ESRRG: variants seen among roughly 807,000 people sequenced by gnomAD.
ESRRG encodes the protein estrogen-related receptor gamma.
ESRRG carries 13 observed loss-of-function variants against 44.0 expected under a neutral mutation model. That is an observed-to-expected ratio of 0.30 (90% CI 0.19 to 0.47). ESRRG has a LOEUF of 0.47. ESRRG is among the 20% of genes least tolerant of loss of function. The probability of loss-of-function intolerance (pLI) is 1.00; values close to 1 mark genes in which losing one functional copy is unlikely to be tolerated. For synonymous variants in ESRRG, 215 were observed against 214.6 expected (o/e 1.00, Z -0.02); for missense variants, 395 against 580.6 (o/e 0.68, Z 3.29).
chr1:216,884,418 A>C (rs2096489750), intron 2 of ESRRG, among the ~76,000 whole-genome samples: 1 of 152,212 alleles, frequency 6.6e-6, no homozygotes, highest in Non-Finnish European at 1.5e-5. Context: ...TGTGCCAGCT[A>C]CTGATAACAT....
At chr1:216,890,366 G>C (rs1391334467) in intron 2 of ESRRG, among the ~76,000 whole-genome samples, 1 of 152,108 alleles carries the variant, frequency 6.6e-6, no homozygotes, top group Non-Finnish European at 1.5e-5. Context: ...ATATCATTTT[G>C]TCCTTATGAA....
chr1:216,692,312 ATGTG>A (rs56856888), intron 1 of ESRRG, among the ~76,000 whole-genome samples: 41,563 of 147,320 alleles, frequency 0.28, 5,983 homozygotes, highest in East Asian at 0.43. Context: ...AGGCTAGTGT[ATGTG>A]TGTGTGTGTG....
At chr1:216,704,133 C>T (rs923406511) in intron 1 of ESRRG, among the ~76,000 whole-genome samples, 1 of 152,154 alleles carries the variant, frequency 6.6e-6, no homozygotes, top group Non-Finnish European at 1.5e-5. Flanking sequence ...AAGGCTAGCA[C>T]TTCACTGGCT....
At chr1:216,672,231 A>G (rs920132521) in intron 2 of ESRRG, among the ~76,000 whole-genome samples, 1 of 152,244 alleles carries the variant, frequency 6.6e-6, no homozygotes, top group African/African-American at 2.4e-5. Context: ...AGAGCTGTCA[A>G]AGTTTTGTAA....
At chr1:216,765,800 C>T (rs1300169665) in intron 2 of ESRRG, among the ~76,000 whole-genome samples, 2 of 152,036 alleles carry the variant, frequency 1.3e-5, no homozygotes, top group African/African-American at 4.8e-5. Context: ...CCTGACAAAG[C>T]TTTTGAACAT....
intron 1 of ESRRG, among the ~76,000 whole-genome samples, chr1:217,103,751 T>C (rs1184033095): frequency 6.6e-6 from 1 of 152,112 alleles, no homozygotes; most frequent in Non-Finnish European, 1.5e-5. Context: ...AATATTCAGA[T>C]GACGAATGCC....
chr1:217,062,125 G>GTGCCAACTTAAATCCAAT (rs2088643219), intron 1 of ESRRG, among the ~76,000 whole-genome samples: 1 of 152,142 alleles, frequency 6.6e-6, no homozygotes, highest in African/African-American at 2.4e-5. Context: ...TCAAGCCCAA[G>GTGCCAACTTAAATCCAAT]TTAAGTGCCA....
At chr1:216,845,121 A>G (rs2095720575) in intron 2 of ESRRG, among the ~76,000 whole-genome samples, 1 of 152,142 alleles carries the variant, frequency 6.6e-6, no homozygotes, top group African/African-American at 2.4e-5. Flanking sequence ...ATACCAATGT[A>G]CGTACATATG....
At chr1:216,665,287 C>T (rs1373156587) in intron 2 of ESRRG, among the ~76,000 whole-genome samples, 1 of 152,118 alleles carries the variant, frequency 6.6e-6, no homozygotes, top group East Asian at 1.9e-4. Flanking sequence ...TCAGTCCCAT[C>T]TGTGGTTTCA....
chr1:216,977,709 C>T (rs1235439234), intron 1 of ESRRG, among the ~76,000 whole-genome samples: 1 of 152,104 alleles, frequency 6.6e-6, no homozygotes, highest in Non-Finnish European at 1.5e-5. Flanking sequence ...AATAATTAAC[C>T]AGCTGGGTTG....
chr1:216,884,504 C>T (rs1164529334), intron 2 of ESRRG, among the ~76,000 whole-genome samples: 1 of 152,098 alleles, frequency 6.6e-6, no homozygotes, highest in Non-Finnish European at 1.5e-5. Flanking sequence ...TTAGGCTTCT[C>T]GTGGGTTCAA....
rs7537125 is a variant in ESRRG at position 216,764,565 on chromosome 1, G to A, written c.-13-87074C>T. 5.0e-3 allele frequency among the ~76,000 whole-genome samples: 733 copies of A among 147,474 alleles called. 8 individuals carry two copies. The highest frequency in any genetic ancestry group is 0.016 in the African/African-American group (664 of 40,550). On this transcript the variant is annotated intron_variant, in intron 2 of 7. Coordinates refer to the ESRRG transcript ENST00000359162. ...ATTACAGGCATGAGACACCATGCCC[G>A]GCCCAGGGGGGGACTCTTAACTCCT...
chr1:217,096,322 A>G lies in ESRRG; in HGVS notation c.-230+41345T>C, dbSNP rs371418547. Reference sequence around the variant, plus strand: ...GGTTCAACTGGAAAAAATAATCAAGATGTCACCTGATGCCACAAGCTACCA... The same window carrying G: ...GGTTCAACTGGAAAAAATAATCAAGGTGTCACCTGATGCCACAAGCTACCA... On this transcript the variant is annotated intron_variant, in intron 1 of 8. Coordinates refer to the ESRRG transcript ENST00000366940. 1.8e-4 allele frequency among the ~76,000 whole-genome samples: 27 copies of G among 152,314 alleles called. No individual in the cohort carries two copies. The South Asian group carries it at 5.4e-3, about 30-fold the overall frequency.
chr1:217,029,345 C>A (rs949835427), intron 1 of ESRRG, among the ~76,000 whole-genome samples: 1 of 152,126 alleles, frequency 6.6e-6, no homozygotes. Context: ...CAGAAACCGA[C>A]CGTAAGGGAA....
chr1:216,673,617 A>C (rs569593044), intron 2 of ESRRG, among the ~76,000 whole-genome samples: 1 of 152,246 alleles, frequency 6.6e-6, no homozygotes, highest in Non-Finnish European at 1.5e-5. Flanking sequence ...CAGCATCCTA[A>C]AGAATAATCA....
At position 216,731,417 on chromosome 1, in the gene ESRRG, G is replaced by T. The variant is rs192321741; in HGVS notation, c.-13-53926C>A. ...AAAAAGACAAAGGTCTTACTTTTAG[G>T]CCGCTGTTTACCTCTCTTTACTCCT... is the stretch of plus-strand genomic sequence containing the variant. On this transcript the variant is annotated intron_variant, in intron 2 of 7. Transcript: ENST00000359162. 2.5e-3 allele frequency among the ~76,000 whole-genome samples: 387 copies of T among 152,228 alleles called. 3 individuals carry two copies. Among genetic ancestry groups the T allele is most frequent in the Non-Finnish European group, 1.6e-3 (108 of 68,004 alleles).
chr1:216,513,118 T>A (rs1308720195), intron 6 of ESRRG, among the ~76,000 whole-genome samples: 1 of 152,218 alleles, frequency 6.6e-6, no homozygotes, highest in East Asian at 1.9e-4. Flanking sequence ...CAAGTTATGG[T>A]CATTTGTCAA....
intron 1 of ESRRG, among the ~76,000 whole-genome samples, chr1:217,117,983 C>A (rs1282950107): frequency 2.0e-5 from 3 of 152,184 alleles, no homozygotes; most frequent in African/African-American, 7.2e-5. Context: ...TCATCTTTGT[C>A]ACCATAAAGT....
intron 2 of ESRRG, among the ~76,000 whole-genome samples, chr1:216,866,836 T>G (rs148169982): frequency 0.011 from 1,654 of 152,280 alleles, 12 homozygotes; most frequent in Non-Finnish European, 0.018. Flanking sequence ...GGTTAGATTT[T>G]CTTTCATTTT....
Sources: allele counts gnomAD v4.1 joint callset (sites outside exome capture counted in the v4.1 genomes callset), GRCh38; gene constraint gnomAD v4.1.1; transcripts MANE v1.5; gene names NCBI Gene and HGNC (gene_info 2026-07-23, HGNC 2026-07-21).